The following KCNN2 variants were observed in gnomAD, a reference collection of about 807,000 sequenced individuals.
The protein encoded by KCNN2 is potassium calcium-activated channel subfamily N member 2.
In KCNN2, 24 loss-of-function variants were observed where a neutral mutation model predicts 55.5. The observed-to-expected ratio is 0.43, with a 90% CI of 0.31 to 0.61. The LOEUF is 0.61. KCNN2 is among the 20% of genes least tolerant of loss of function. The probability of loss-of-function intolerance (pLI) is 0.08; values close to 1 mark genes in which losing one functional copy is unlikely to be tolerated. For synonymous variants in KCNN2, 431 were observed against 336.1 expected (o/e 1.28, Z -3.09); for missense variants, 754 against 853.6 (o/e 0.88, Z 1.45).
chr5:114,411,710 T>G (rs1023663328), intron 3 of KCNN2, among the ~76,000 whole-genome samples: 5 of 152,088 alleles, frequency 3.3e-5, no homozygotes, highest in Admixed American at 3.3e-4. Context: ...TTCTCTACCT[T>G]TTTTGTCCTG....
chr5:114,144,111 C>T (rs1411713396), intron 1 of KCNN2, among the ~76,000 whole-genome samples: 1 of 152,164 alleles, frequency 6.6e-6, no homozygotes, highest in Non-Finnish European at 1.5e-5. Flanking sequence ...TTTTAGCTTG[C>T]TTATGTCTAA....
At chr5:114,404,415 G>A (rs767249219) in intron 2 of KCNN2, 23 bp from the exon 3 acceptor site, 2 of 1,598,248 alleles carry the variant, frequency 1.3e-6, no homozygotes, top group South Asian at 2.2e-5. Context: ...TACTGAAGCT[G>A]ATTTTCTACT....
intron 1 of KCNN2, among the ~76,000 whole-genome samples, chr5:114,185,032 G>T (rs1188551786): frequency 6.6e-6 from 1 of 152,204 alleles, no homozygotes; most frequent in Non-Finnish European, 1.5e-5. Flanking sequence ...GTGCTGCAAT[G>T]TAAGCCTTTA....
intron 2 of KCNN2, among the ~76,000 whole-genome samples, chr5:114,291,769 G>A (rs189505419): frequency 0.042 from 6,453 of 152,230 alleles, 457 homozygotes; most frequent in African/African-American, 0.15. Flanking sequence ...TCACCACACC[G>A]ACTTCCATAA....
chr5:114,295,277 G>GT (rs1755985297), intron 2 of KCNN2, among the ~76,000 whole-genome samples: 1 of 152,200 alleles, frequency 6.6e-6, no homozygotes, highest in Admixed American at 6.5e-5. Flanking sequence ...CTGTCTTTTT[G>GT]TTTGTCTGTG....
chr5:114,192,370 C>A (rs10519378), intron 1 of KCNN2, among the ~76,000 whole-genome samples: 34,755 of 152,036 alleles, frequency 0.23, 4,082 homozygotes, highest in South Asian at 0.3. Flanking sequence ...CTGAGTACAT[C>A]GAACCTTATT....
At chr5:114,156,994 CT>C (rs544870674) in intron 1 of KCNN2, among the ~76,000 whole-genome samples, 9 of 147,820 alleles carry the variant, frequency 6.1e-5, no homozygotes, top group East Asian at 2.0e-4. Context: ...TTTGGGATTT[CT>C]TTTTTTTTTA....
chr5:114,165,934 T>C (rs1463707805), intron 1 of KCNN2, among the ~76,000 whole-genome samples: 1 of 152,188 alleles, frequency 6.6e-6, no homozygotes, highest in Non-Finnish European at 1.5e-5. Flanking sequence ...GTACTCATTC[T>C]TATTTTTGCC....
chr5:114,354,053 TG>T (rs941691651), intron 2 of KCNN2, among the ~76,000 whole-genome samples: 4 of 152,010 alleles, frequency 2.6e-5, no homozygotes, highest in African/African-American at 9.7e-5. Context: ...TCATGTCTCT[TG>T]GTGCATGTAG....
At position 114,458,605 on chromosome 5, in the gene KCNN2, T is replaced by A. The variant is rs553198868; in HGVS notation, c.1638-4444T>A. Among the ~76,000 whole-genome samples the A allele has an allele frequency of 2.2e-4, 33 of 152,332 alleles. No individual in the cohort carries two copies. The East Asian group carries it at 5.2e-3, about 24-fold the overall frequency. ...TGACTATACAACAATGAATAAGGCA[T>A]AGTCGTTATCTTCAAATTCTTTATA... On this transcript the variant is annotated intron_variant, in intron 3 of 7. Coordinates refer to ENST00000673685, the MANE Select transcript of KCNN2 (RefSeq NM_021614.4).
intron 1 of KCNN2, among the ~76,000 whole-genome samples, chr5:114,160,849 T>C (rs2112530417): frequency 6.6e-6 from 1 of 152,272 alleles, no homozygotes; most frequent in South Asian, 2.1e-4. Flanking sequence ...TTGTTTTCCA[T>C]TTGCTTGGTG....
chr5:114,165,257 C>G (rs1267707006), intron 1 of KCNN2, among the ~76,000 whole-genome samples: 1 of 152,136 alleles, frequency 6.6e-6, no homozygotes, highest in African/African-American at 2.4e-5. Context: ...TCTGTCACCC[C>G]AGAGACTGAA....
At chr5:114,275,012 A>T (rs767403190) in intron 2 of KCNN2, among the ~76,000 whole-genome samples, 8 of 152,160 alleles carry the variant, frequency 5.3e-5, no homozygotes, top group Non-Finnish European at 1.0e-4. Flanking sequence ...TGTTCCACTG[A>T]TACCTAGTTT....
chr5:114,330,572 A>G (rs1168805370), intron 2 of KCNN2, among the ~76,000 whole-genome samples: 1 of 152,092 alleles, frequency 6.6e-6, no homozygotes, highest in Non-Finnish European at 1.5e-5. Flanking sequence ...CACCCTCTAG[A>G]TAAAAGTCTA....
At chr5:114,141,375 C>T (rs567604107) in intron 1 of KCNN2, among the ~76,000 whole-genome samples, 7 of 151,966 alleles carry the variant, frequency 4.6e-5, no homozygotes, top group East Asian at 1.9e-4. Flanking sequence ...TGAGAACACG[C>T]GGAGTTTGTT....
chr5:114,449,393 T>C (rs1294753160), intron 3 of KCNN2, among the ~76,000 whole-genome samples: 1 of 152,192 alleles, frequency 6.6e-6, no homozygotes, highest in Non-Finnish European at 1.5e-5. Flanking sequence ...AAGGCCCACT[T>C]CCAAAAGTAA....
At chr5:114,309,755 T>A (rs1756360850) in intron 2 of KCNN2, among the ~76,000 whole-genome samples, 1 of 152,076 alleles carries the variant, frequency 6.6e-6, no homozygotes, top group Non-Finnish European at 1.5e-5. Flanking sequence ...ATGAGTATGA[T>A]GAATGCCATA....
rs529305585 is a variant in KCNN2 at position 114,075,955 on chromosome 5, AGTT to A, written c.-271+19459_-271+19461del. Among the ~76,000 whole-genome samples, 5 of 152,304 alleles carry A rather than the reference AGTT, an allele frequency of 3.3e-5. No homozygotes were observed. In the South Asian group the frequency reaches 1.0e-3, roughly 32 times the overall value. On this transcript the variant is annotated intron_variant, in intron 1 of 10. Coordinates refer to the KCNN2 transcript ENST00000512097. ...TTGTGAGACCAACAAAGAAACACCT[AGTT>A]GTTCCCAGGCTAAATTGTGAGCCAA...
At chr5:114,332,237 T>C (rs1005529341) in intron 2 of KCNN2, among the ~76,000 whole-genome samples, 1 of 152,206 alleles carries the variant, frequency 6.6e-6, no homozygotes, top group Non-Finnish European at 1.5e-5. Context: ...CACAGACTGA[T>C]AATTAATTAG....
Sources: gnomAD v4.1 joint callset for allele counts (sites outside exome capture counted in the v4.1 genomes callset) on GRCh38, gnomAD v4.1.1 for gene constraint, MANE v1.5 for transcripts, NCBI Gene and HGNC (gene_info 2026-07-23, HGNC 2026-07-21) for gene names.